Variants in GRM1 observed in about 807,000 individuals in gnomAD.
GRM1 encodes glutamate metabotropic receptor 1.
Under a neutral mutation model 90.9 loss-of-function variants are expected in GRM1, and 33 were observed. The observed-to-expected ratio is 0.36, with a 90% confidence interval of 0.28 to 0.49. The LOEUF (loss-of-function observed/expected upper bound fraction) is 0.49, where lower values mean the gene tolerates loss of function less well. Ranked by LOEUF, GRM1 falls within the 20% of genes least tolerant of loss-of-function variation. The pLI is 0.99. For synonymous variants in GRM1, 700 were observed against 613.2 expected (o/e 1.14, Z -2.09); for missense variants, 1,190 against 1,534.3 (o/e 0.78, Z 3.75).
chr6:146,112,671 A>T (rs896147893), intron 1 of GRM1, among the ~76,000 whole-genome samples: 2 of 152,118 alleles, frequency 1.3e-5, no homozygotes, highest in Non-Finnish European at 2.9e-5. Context: ...TTTCCTTTGT[A>T]TGTTCACATT....
chr6:146,338,286 A>C (rs146860649), intron 3 of GRM1, among the ~76,000 whole-genome samples: 35 of 152,342 alleles, frequency 2.3e-4, no homozygotes, highest in African/African-American at 5.3e-4. Flanking sequence ...ATCCAGGCTC[A>C]AAGGTTCCTA....
At chr6:146,423,976 C>G (rs749026143) in intron 7 of GRM1, among the ~76,000 whole-genome samples, 3 of 152,112 alleles carry the variant, frequency 2.0e-5, no homozygotes, top group Non-Finnish European at 2.9e-5. Flanking sequence ...AAATGAAGTC[C>G]CACCAGACAC....
chr6:146,335,502 A>G (rs1216506817), intron 3 of GRM1, among the ~76,000 whole-genome samples: 1 of 152,168 alleles, frequency 6.6e-6, no homozygotes, highest in Non-Finnish European at 1.5e-5. Flanking sequence ...ATTGTGCTAA[A>G]TACACATTCA....
At chr6:146,331,765 T>TA (rs765523189) in intron 3 of GRM1, among the ~76,000 whole-genome samples, 3 of 151,706 alleles carry the variant, frequency 2.0e-5, no homozygotes, top group Non-Finnish European at 4.4e-5. Context: ...TGTTTTCCTT[T>TA]AAAAAAAAAT....
At chr6:146,243,279 G>A (rs1055354890) in intron 2 of GRM1, among the ~76,000 whole-genome samples, 12 of 152,056 alleles carry the variant, frequency 7.9e-5, no homozygotes, top group African/African-American at 2.9e-4. Flanking sequence ...ATCTAGTAAT[G>A]TCTGTAGTCA....
chr6:146,380,074 G>C (rs9497532), intron 5 of GRM1, among the ~76,000 whole-genome samples: 4,612 of 152,118 alleles, frequency 0.03, 241 homozygotes, highest in African/African-American at 0.11. Flanking sequence ...AGTCAGCACA[G>C]TATTGGTTCT....
At chr6:146,038,213 A>G (rs2128839363) in intron 1 of GRM1, among the ~76,000 whole-genome samples, 1 of 152,070 alleles carries the variant, frequency 6.6e-6, no homozygotes, top group South Asian at 2.1e-4. Context: ...ACAGTGGGAG[A>G]TGACACATGG....
At chr6:146,104,954 G>A (rs1185098478) in intron 1 of GRM1, among the ~76,000 whole-genome samples, 1 of 152,116 alleles carries the variant, frequency 6.6e-6, no homozygotes, top group African/African-American at 2.4e-5. Context: ...GGAGAGAGGG[G>A]GTAATGATCT....
chr6:146,091,504 T>G (rs1468015029), intron 1 of GRM1, among the ~76,000 whole-genome samples: 1 of 151,858 alleles, frequency 6.6e-6, no homozygotes, highest in African/African-American at 2.4e-5. Flanking sequence ...GTAGCTAGAG[T>G]GGCATTTTAG....
chr6:146,410,803 A>T (rs116509047), intron 7 of GRM1, among the ~76,000 whole-genome samples: 2,752 of 152,288 alleles, frequency 0.018, 84 homozygotes, highest in African/African-American at 0.063. Flanking sequence ...TGAAGAAAAA[A>T]ATAAAAGGTT....
At chr6:146,326,669 C>T (rs995540348) in intron 3 of GRM1, among the ~76,000 whole-genome samples, 1 of 152,122 alleles carries the variant, frequency 6.6e-6, no homozygotes, top group East Asian at 1.9e-4. Context: ...TATAAATATA[C>T]TGTGCAGCAA....
At chr6:146,414,648 C>T (rs1000041678) in intron 7 of GRM1, among the ~76,000 whole-genome samples, 16 of 152,170 alleles carry the variant, frequency 1.1e-4, no homozygotes, top group African/African-American at 2.7e-4. Flanking sequence ...GTGATCCGCC[C>T]GCCTCGGCCT....
intron 1 of GRM1, among the ~76,000 whole-genome samples, chr6:146,098,753 A>G (rs1272369040): frequency 6.6e-6 from 1 of 151,896 alleles, no homozygotes; most frequent in African/African-American, 2.4e-5. Context: ...TGTTCTAGTG[A>G]TAGTAAGTTC....
intron 2 of GRM1, among the ~76,000 whole-genome samples, chr6:146,187,395 A>G (rs746783106): frequency 3.3e-5 from 5 of 152,152 alleles, no homozygotes; most frequent in Non-Finnish European, 7.4e-5. Context: ...AAATGAGGAC[A>G]TTTATAACTC....
intron 3 of GRM1, among the ~76,000 whole-genome samples, chr6:146,351,499 A>G (rs1785410720): frequency 6.6e-6 from 1 of 152,178 alleles, no homozygotes. Context: ...GCTTATATCT[A>G]ACACAATACC....
In GRM1 at chr6:146,436,243, C is replaced by G. The variant is rs904991809; in HGVS notation, c.*1447C>G. On this transcript the variant is annotated 3_prime_UTR_variant, in exon 8 of 8. Coordinates refer to ENST00000282753, the MANE Select transcript of GRM1 (RefSeq NM_001278064.2). ...TGGCTCAAGGTTTTCATATGCAGCT[C>G]GGATGGACATTTTTCTTCTAAGATG... 2 of 152,104 alleles carry G rather than the reference C, an allele frequency of 1.3e-5. No individual in the cohort carries two copies. Among genetic ancestry groups the G allele is most frequent in the African/African-American group, 4.8e-5 (2 of 41,374 alleles). The allele number at this position is 152,104 out of a possible 1,614,324, so 9.4% of individuals were successfully genotyped here.
chr6:146,315,890 G>A (rs1029197786), intron 3 of GRM1, among the ~76,000 whole-genome samples: 1 of 152,158 alleles, frequency 6.6e-6, no homozygotes, highest in African/African-American at 2.4e-5. Context: ...TGCATTTGAA[G>A]TATTGGCATT....
intron 3 of GRM1, among the ~76,000 whole-genome samples, chr6:146,316,188 C>T (rs555713064): frequency 1.3e-5 from 2 of 152,290 alleles, no homozygotes; most frequent in East Asian, 3.9e-4. Flanking sequence ...CTTTTAGAGG[C>T]CACTCACGTG....
chr6:146,252,031 C>T (rs1781305481), intron 2 of GRM1, among the ~76,000 whole-genome samples: 1 of 152,124 alleles, frequency 6.6e-6, no homozygotes, highest in African/African-American at 2.4e-5. Context: ...CTGACACTTC[C>T]TTACATCCCT....
Sources: allele counts gnomAD v4.1 joint callset (sites outside exome capture counted in the v4.1 genomes callset), GRCh38; gene constraint gnomAD v4.1.1; transcripts MANE v1.5; gene names NCBI Gene and HGNC (gene_info 2026-07-23, HGNC 2026-07-21).